Variants in ADTRP observed in about 807,000 individuals in gnomAD.
The protein encoded by ADTRP is androgen-dependent TFPI-regulating protein.
Under a neutral mutation model 27.0 loss-of-function variants are expected in ADTRP, and 20 were observed. The observed-to-expected ratio is 0.74, with a 90% CI of 0.52 to 1.08. The LOEUF (loss-of-function observed/expected upper bound fraction) is 1.08, where lower values mean the gene tolerates loss of function less well. Among genes scored for constraint, ADTRP ranks in the 50% least tolerant of loss-of-function variants. ADTRP has a pLI of 0.00. For synonymous variants in ADTRP, 101 were observed against 105.2 expected (o/e 0.96, Z 0.25); for missense variants, 251 against 275.0 (o/e 0.91, Z 0.62).
chr6:11,717,913 T>C (rs1282096559), intron 5 of ADTRP, among the ~76,000 whole-genome samples: 1 of 152,276 alleles, frequency 6.6e-6, no homozygotes, highest in East Asian at 1.9e-4. Flanking sequence ...GCTTTAGAAG[T>C]ACCTGTGGAG....
chr6:11,748,499 G>A (rs533563661), intron 3 of ADTRP, among the ~76,000 whole-genome samples: 1 of 152,374 alleles, frequency 6.6e-6, no homozygotes, highest in East Asian at 1.9e-4. Flanking sequence ...CTAAGGATCA[G>A]AAGGTGGACA....
Position 11,734,997 on chromosome 6 carries a change from G to A in ADTRP, c.506+571C>T, listed in dbSNP as rs139296876. Among the ~76,000 whole-genome samples, 119 of 150,134 alleles carry A rather than the reference G, an allele frequency of 7.9e-4. 2 individuals are homozygous for A. Among genetic ancestry groups the A allele is most frequent in the Non-Finnish European group, 1.4e-3 (92 of 66,942 alleles). On this transcript the variant is annotated intron_variant, in intron 4 of 5. Coordinates refer to ENST00000414691, the MANE Select transcript of ADTRP (RefSeq NM_032744.4). ...CACGTTCCCTTGATTATAGACTATT[G>A]GGCAGCGTTTCTGAAAATGAGTATT...
rs1761713619 is a variant in ADTRP at position 11,713,613 on chromosome 6, C to G, written c.*865G>C. On this transcript the variant is annotated 3_prime_UTR_variant, in exon 6 of 6. Coordinates refer to ENST00000414691, the MANE Select transcript of ADTRP (RefSeq NM_032744.4). ...TTCAGAAAAGTGCTTTGTAGCAAAG[C>G]AATCTCAACAGCCCTTATAATTCTA... 6.6e-6 allele frequency: 1 copy of G among 152,208 alleles called. No homozygotes were observed. The highest frequency in any genetic ancestry group is 2.4e-5 in the African/African-American group (1 of 41,446). The allele number at this position is 152,208 out of a possible 1,614,324, so 9.4% of individuals were successfully genotyped here.
chr6:11,745,278 C>G (rs1421331432), intron 3 of ADTRP, among the ~76,000 whole-genome samples: 1 of 152,050 alleles, frequency 6.6e-6, no homozygotes, highest in Non-Finnish European at 1.5e-5. Context: ...AAGTAAAAGA[C>G]AAGAAGTTGT....
intron 1 of ADTRP, among the ~76,000 whole-genome samples, chr6:11,776,565 G>A (rs1763960303): frequency 6.6e-6 from 1 of 152,180 alleles, no homozygotes; most frequent in Non-Finnish European, 1.5e-5. Context: ...AAAGGAAAAG[G>A]AAATTTGGAC....
Position 11,714,407 on chromosome 6 carries a change from A to G in ADTRP, c.*71T>C. On this transcript the variant is annotated 3_prime_UTR_variant, in exon 6 of 6. Coordinates refer to ENST00000414691, the MANE Select transcript of ADTRP (RefSeq NM_032744.4). ...TTCCTCCACCACCTCCCTCCACCAG[A>G]AAAAAAAAAAAAAGATGAGAAAAAT... 1.1e-5 allele frequency: 10 copies of G among 883,544 alleles called. No individual in the cohort carries two copies. The highest frequency in any genetic ancestry group is 1.3e-5 in the Non-Finnish European group (9 of 684,610). 54.7% of individuals were successfully genotyped at this position (883,544 alleles called of 1,614,324 possible).
In ADTRP at chr6:11,755,302, T is replaced by C. The variant is rs148339750; in HGVS notation, c.390+10972A>G. On this transcript the variant is annotated intron_variant, in intron 3 of 5. Transcript: ENST00000414691. Reference sequence around the variant, plus strand: ...TTCTGTTTAAAAAGCAGCCTGTTGATAATAGGAAATCACTGAATAATGGAA... The same window carrying C: ...TTCTGTTTAAAAAGCAGCCTGTTGACAATAGGAAATCACTGAATAATGGAA... Among the ~76,000 whole-genome samples, 6 of 152,308 alleles carry C rather than the reference T, an allele frequency of 3.9e-5. No individual in the cohort carries two copies. The East Asian group carries it at 1.2e-3, about 29-fold the overall frequency.
At chr6:11,762,090 T>C (rs1763406861) in intron 3 of ADTRP, among the ~76,000 whole-genome samples, 1 of 152,198 alleles carries the variant, frequency 6.6e-6, no homozygotes, top group Admixed American at 6.5e-5. Flanking sequence ...AATGATATCA[T>C]CTTGCATGCT....
At chr6:11,777,179 T>C (rs1039672236) in intron 1 of ADTRP, among the ~76,000 whole-genome samples, 18 of 152,218 alleles carry the variant, frequency 1.2e-4, no homozygotes, top group African/African-American at 4.3e-4. Flanking sequence ...TAAGAGACTT[T>C]TCTCACTCTT....
intron 3 of ADTRP, among the ~76,000 whole-genome samples, chr6:11,765,188 T>C (rs1763523816): frequency 6.6e-6 from 1 of 151,912 alleles, no homozygotes; most frequent in Non-Finnish European, 1.5e-5. Context: ...GTGGACTGAG[T>C]TGCTTTTCTG....
At chr6:11,714,591 C>T (rs372151767) in intron 5 of ADTRP, 79 bp from the exon 6 acceptor site, 4 of 1,517,412 alleles carry the variant, frequency 2.6e-6, no homozygotes, top group African/African-American at 2.8e-5. Flanking sequence ...TAGAGATTCA[C>T]TCTGACTTGG....
chr6:11,744,753 T>G (rs972523910), intron 3 of ADTRP, among the ~76,000 whole-genome samples: 8 of 152,208 alleles, frequency 5.3e-5, no homozygotes, highest in African/African-American at 1.9e-4. Context: ...TCTGGAAAGC[T>G]GCTCCAAGTT....
intron 1 of ADTRP, among the ~76,000 whole-genome samples, chr6:11,774,311 A>AAAATAAATAAATAAATAAAT (rs140361069): frequency 0.11 from 15,864 of 144,532 alleles, 1,005 homozygotes; most frequent in South Asian, 0.2. Context: ...TTCCATCTCA[A>AAAATAAATAAATAAATAAAT]AAATAAATAA....
intron 4 of ADTRP, among the ~76,000 whole-genome samples, chr6:11,729,398 T>C (rs367605397): frequency 1.2e-4 from 18 of 152,268 alleles, no homozygotes; most frequent in African/African-American, 4.1e-4. Context: ...CCCTTCCAGT[T>C]TGAAGCCTCT....
chr6:11,772,962 T>C (rs1459890359), intron 1 of ADTRP, among the ~76,000 whole-genome samples: 2 of 152,218 alleles, frequency 1.3e-5, no homozygotes, highest in African/African-American at 4.8e-5. Context: ...AGTACCAGAA[T>C]GCTTGGCCAA....
chr6:11,771,757 T>C (rs1763787867), intron 1 of ADTRP, among the ~76,000 whole-genome samples: 1 of 152,180 alleles, frequency 6.6e-6, no homozygotes, highest in African/African-American at 2.4e-5. Flanking sequence ...GAGGTCACGA[T>C]GGTGCACCCT....
At chr6:11,762,436 C>A (rs1017503897) in intron 3 of ADTRP, among the ~76,000 whole-genome samples, 1 of 152,250 alleles carries the variant, frequency 6.6e-6, no homozygotes, top group East Asian at 1.9e-4. Context: ...TAGTGTCACA[C>A]GCATAGTGGT....
At chr6:11,735,502 T>C in intron 4 of ADTRP, 66 bp downstream of exon 4, 1 of 1,188,908 alleles carries the variant, frequency 8.4e-7, no homozygotes, top group Non-Finnish European at 1.2e-6. Context: ...ACAGTACACA[T>C]TTCTGGAACT....
chr6:11,769,216 C>T (rs746084926), intron 1 of ADTRP, among the ~76,000 whole-genome samples: 12 of 152,212 alleles, frequency 7.9e-5, no homozygotes, highest in East Asian at 5.8e-4. Context: ...GTTAGGCTTG[C>T]GACAGAATCC....
Sources: allele counts gnomAD v4.1 joint callset (sites outside exome capture counted in the v4.1 genomes callset), GRCh38; gene constraint gnomAD v4.1.1; transcripts MANE v1.5; gene names NCBI Gene and HGNC (gene_info 2026-07-23, HGNC 2026-07-21).